FDX1: variants seen among roughly 807,000 people sequenced by gnomAD.
FDX1 encodes adrenodoxin, mitochondrial.
FDX1 carries 9 observed loss-of-function variants against 14.9 expected under a neutral mutation model. The observed-to-expected ratio is 0.60, with a 90% CI of 0.36 to 1.05. FDX1 has a LOEUF of 1.05. FDX1 is among the 50% of genes least tolerant of loss of function. The probability of loss-of-function intolerance (pLI) is 0.01; values close to 1 mark genes in which losing one functional copy is unlikely to be tolerated. For missense variants in FDX1, 204 were observed against 237.2 expected, an observed-to-expected ratio of 0.86 and a Z score of 0.92; for synonymous variants, 92 against 99.4, an observed-to-expected ratio of 0.93 and a Z score of 0.44.
chr11:110,447,190 A>C (rs541262253), intron 2 of FDX1, among the ~76,000 whole-genome samples: 1 of 149,890 alleles, frequency 6.7e-6, no homozygotes, highest in Non-Finnish European at 1.5e-5. Context: ...AAAAAAAAAA[A>C]AAACCGAGAT....
intron 2 of FDX1, among the ~76,000 whole-genome samples, chr11:110,438,305 C>T (rs1291581726): frequency 1.3e-5 from 2 of 152,118 alleles, no homozygotes; most frequent in Non-Finnish European, 2.9e-5. Context: ...AATTTTTTGA[C>T]TTTTTAATGA....
intron 2 of FDX1, 100 bp downstream of exon 2, chr11:110,436,058 G>A (rs772711311): frequency 1.4e-5 from 14 of 996,632 alleles, no homozygotes; most frequent in Admixed American, 9.1e-5. Context: ...CCTATAGCAT[G>A]CTATGTAAAA....
At chr11:110,456,509 CTTTTTTTTTT>C (rs11463993) in intron 2 of FDX1, among the ~76,000 whole-genome samples, 9 of 83,804 alleles carry the variant, frequency 1.1e-4, no homozygotes, top group Admixed American at 1.6e-4. Flanking sequence ...TTTATGTATT[CTTTTTTTTTT>C]TTTTTTTTTT....
intron 2 of FDX1, 101 bp from the exon 3 acceptor site, chr11:110,456,817 G>A: frequency 3.1e-6 from 4 of 1,299,024 alleles, no homozygotes; most frequent in Non-Finnish European, 4.2e-6. Context: ...CCTCACTTAT[G>A]TATTCTAATG....
At chr11:110,441,147 C>T (rs1225352499) in intron 2 of FDX1, among the ~76,000 whole-genome samples, 1 of 152,234 alleles carries the variant, frequency 6.6e-6, no homozygotes, top group Non-Finnish European at 1.5e-5. Context: ...GAGGCTTCCT[C>T]AGCCACATGG....
intron 2 of FDX1, among the ~76,000 whole-genome samples, chr11:110,452,843 G>A (rs1035293254): frequency 2.0e-5 from 3 of 152,198 alleles, no homozygotes; most frequent in Admixed American, 6.5e-5. Context: ...GTCAAACACT[G>A]TATGATTCTA....
chr11:110,455,236 G>A lies in FDX1; in HGVS notation c.311-1682G>A, dbSNP rs112200182. Reference sequence around the variant, plus strand: ...TAGCCAGGCTGGTCTCGAACCTCACGTGATCCATCTGCCTCGGCCTCCCGA... The same window carrying A: ...TAGCCAGGCTGGTCTCGAACCTCACATGATCCATCTGCCTCGGCCTCCCGA... On this transcript the variant is annotated intron_variant, in intron 2 of 3. Transcript: ENST00000260270. Among the ~76,000 whole-genome samples the A allele has an allele frequency of 2.6e-3, 392 of 152,068 alleles. 3 individuals carry two copies. Among genetic ancestry groups the A allele is most frequent in the African/African-American group, 8.1e-3 (336 of 41,514 alleles).
chr11:110,461,374 T>C (rs1946555071), intron 3 of FDX1, among the ~76,000 whole-genome samples: 1 of 151,694 alleles, frequency 6.6e-6, no homozygotes, highest in South Asian at 2.1e-4. Flanking sequence ...TGCATGCCTG[T>C]AGTCCCCGCT....
intron 2 of FDX1, among the ~76,000 whole-genome samples, chr11:110,439,535 G>A (rs1411058056): frequency 6.6e-6 from 1 of 152,046 alleles, no homozygotes; most frequent in African/African-American, 2.4e-5. Flanking sequence ...GAGGTTATTT[G>A]TTTTTTGCTT....
chr11:110,437,866 G>GC (rs1427096629), intron 2 of FDX1, among the ~76,000 whole-genome samples: 17 of 152,158 alleles, frequency 1.1e-4, no homozygotes, highest in Admixed American at 6.5e-4. Flanking sequence ...TATTTAGCTT[G>GC]CACTTATAAG....
chr11:110,436,035 TGA>T (rs1331359120), intron 2 of FDX1, 77 bp downstream of exon 2: 14 of 1,320,190 alleles, frequency 1.1e-5, no homozygotes, highest in South Asian at 1.3e-5. Context: ...TTTTTTTTTT[TGA>T]AGAAGTTTAA....
Position 110,430,415 on chromosome 11 carries a change from C to T in FDX1, c.185+110C>T, listed in dbSNP as rs1234376924. On this transcript the variant is annotated intron_variant, in intron 1 of 3. Coordinates refer to ENST00000260270, the MANE Select transcript of FDX1 (RefSeq NM_004109.5). The stretch of plus-strand genomic sequence containing the variant: ...TCCAGTGCCTTCTGCGCGCCGGGCC[C>T]ACACCCCGGAGGCCTGCCTCTCGCC... The T allele has an allele frequency of 1.2e-5, 9 of 741,226 alleles. No homozygotes were observed. In the Admixed American group the frequency reaches 1.5e-4, roughly 12 times the overall value. The allele number at this position is 741,226 out of a possible 1,614,324, so 45.9% of individuals were successfully genotyped here. A position where few individuals can be genotyped will look rare whatever the true frequency, so the allele number is the denominator to read the frequency against.
chr11:110,454,110 A>G (rs1179148512), intron 2 of FDX1, among the ~76,000 whole-genome samples: 2 of 152,252 alleles, frequency 1.3e-5, no homozygotes, highest in African/African-American at 4.8e-5. Flanking sequence ...TGTAGGCACC[A>G]AAAGTTAATC....
intron 2 of FDX1, among the ~76,000 whole-genome samples, chr11:110,440,760 G>T (rs919820161): frequency 6.6e-6 from 1 of 152,186 alleles, no homozygotes; most frequent in Non-Finnish European, 1.5e-5. Context: ...CTGACGTTTG[G>T]TGCTGTTAAT....
chr11:110,442,548 G>T (rs1431710755), intron 2 of FDX1, among the ~76,000 whole-genome samples: 2 of 152,180 alleles, frequency 1.3e-5, no homozygotes, highest in Non-Finnish European at 2.9e-5. Flanking sequence ...CTTGCATGGG[G>T]TCTGTAGCCC....
chr11:110,438,203 CA>C (rs1295979095), intron 2 of FDX1, among the ~76,000 whole-genome samples: 1 of 152,180 alleles, frequency 6.6e-6, no homozygotes, highest in Non-Finnish European at 1.5e-5. Context: ...GAGAAATCTC[CA>C]AACTGCTTTC....
In FDX1 at chr11:110,462,737, C is replaced by T. The variant is rs991997001; in HGVS notation, c.*269C>T. On this transcript the variant is annotated 3_prime_UTR_variant, in exon 4 of 4. Transcript: ENST00000260270. ...ATATTTTTTTCTTATGTTTGTTTAG[C>T]GACTTTAGCAAAATGTTTTCATATA... is the stretch of plus-strand genomic sequence containing the variant. 3.3e-5 allele frequency: 8 copies of T among 239,648 alleles called. No individual in the cohort carries two copies. The highest frequency in any genetic ancestry group is 2.5e-4 in the Admixed American group (5 of 20,062). 14.8% of individuals were successfully genotyped at this position (239,648 alleles called of 1,614,324 possible). A position where few individuals can be genotyped will look rare whatever the true frequency, so the allele number is the denominator to read the frequency against.
intron 2 of FDX1, among the ~76,000 whole-genome samples, chr11:110,440,813 G>T (rs1224953977): frequency 6.6e-6 from 1 of 152,150 alleles, no homozygotes; most frequent in Non-Finnish European, 1.5e-5. Context: ...TAGAAAATAG[G>T]ATTTTAAAAA....
At chr11:110,429,734 G>T (rs189737105), upstream of FDX1, 5 of 158,582 alleles carry the variant, frequency 3.2e-5, no homozygotes, top group East Asian at 9.1e-4. Context: ...CTAGCTAACC[G>T]ATTTCCGCTA....
Sources: allele counts gnomAD v4.1 joint callset (sites outside exome capture counted in the v4.1 genomes callset), GRCh38; gene constraint gnomAD v4.1.1; transcripts MANE v1.5; gene names NCBI Gene and HGNC (gene_info 2026-07-23, HGNC 2026-07-21).